CFTR: variants seen among roughly 807,000 people sequenced by gnomAD.
The protein encoded by CFTR is cystic fibrosis transmembrane conductance regulator.
A neutral mutation model predicts 171.6 loss-of-function variants in CFTR; 181 were observed. The observed-to-expected ratio is 1.05, with a 90% CI of 0.93 to 1.19. The LOEUF (loss-of-function observed/expected upper bound fraction) is 1.19, where lower values mean the gene tolerates loss of function less well. Among genes scored for constraint, CFTR ranks in the 50% most tolerant of loss-of-function variants. The probability of loss-of-function intolerance (pLI) is 0.00; values close to 1 mark genes in which losing one functional copy is unlikely to be tolerated. For missense variants in CFTR, 1,968 were observed against 1,734.7 expected (o/e 1.13, Z -2.39); for synonymous variants, 583 against 608.0 (o/e 0.96, Z 0.60).
chr7:117,501,747 C>CAA (rs1212853305), intron 1 of CFTR, among the ~76,000 whole-genome samples: 74 of 43,792 alleles, frequency 1.7e-3, no homozygotes, highest in South Asian at 3.8e-3. Flanking sequence ...AACTCTGTCT[C>CAA]AAAAAAAAAA....
At chr7:117,493,792 G>T (rs1271525105) in intron 1 of CFTR, among the ~76,000 whole-genome samples, 1 of 151,930 alleles carries the variant, frequency 6.6e-6, no homozygotes, top group Non-Finnish European at 1.5e-5. Context: ...AAGAAAAAAG[G>T]GTTAAAATGC....
intron 21 of CFTR, among the ~76,000 whole-genome samples, chr7:117,620,487 A>G (rs1792557063): frequency 6.6e-6 from 1 of 152,176 alleles, no homozygotes; most frequent in African/African-American, 2.4e-5. Context: ...CCTGAATGCT[A>G]GAGTCCATTG....
At chr7:117,499,075 G>A (rs1007197545) in intron 1 of CFTR, among the ~76,000 whole-genome samples, 2 of 151,998 alleles carry the variant, frequency 1.3e-5, no homozygotes, top group Non-Finnish European at 2.9e-5. Flanking sequence ...TTATTTTATT[G>A]CATTTTATTT....
At chr7:117,567,932 C>T (rs917191980) in intron 11 of CFTR, among the ~76,000 whole-genome samples, 2 of 152,134 alleles carry the variant, frequency 1.3e-5, no homozygotes, top group Non-Finnish European at 2.9e-5. Context: ...GGAAAGATTT[C>T]CCTGGAGGAA....
chr7:117,628,173 T>C (rs1792685957), intron 22 of CFTR, among the ~76,000 whole-genome samples: 1 of 152,196 alleles, frequency 6.6e-6, no homozygotes, highest in Non-Finnish European at 1.5e-5. Context: ...GTGATACTTT[T>C]TTTCTAGCTT....
intron 1 of CFTR, among the ~76,000 whole-genome samples, chr7:117,488,467 T>C (rs551108452): frequency 6.6e-6 from 1 of 152,098 alleles, no homozygotes; most frequent in Non-Finnish European, 1.5e-5. Flanking sequence ...TAGATTATTG[T>C]CCAGAATAAT....
At chr7:117,579,697 A>G (rs1318485607) in intron 11 of CFTR, among the ~76,000 whole-genome samples, 2 of 151,288 alleles carry the variant, frequency 1.3e-5, no homozygotes, top group Admixed American at 1.3e-4. Context: ...CAAAGTGCCA[A>G]AAAACCTAGC....
chr7:117,510,389 A>G (rs1260563931), intron 3 of CFTR, among the ~76,000 whole-genome samples: 6 of 152,188 alleles, frequency 3.9e-5, no homozygotes, highest in Admixed American at 6.5e-5. Flanking sequence ...CAGGGTATGG[A>G]GTACAGTTCA....
At chr7:117,619,315 G>A (rs1404891368) in intron 21 of CFTR, among the ~76,000 whole-genome samples, 1 of 152,080 alleles carries the variant, frequency 6.6e-6, no homozygotes, top group Non-Finnish European at 1.5e-5. Flanking sequence ...AAAAAATAAA[G>A]ATTAAATAAA....
At chr7:117,598,272 C>T (rs1792169837) in intron 15 of CFTR, among the ~76,000 whole-genome samples, 2 of 152,142 alleles carry the variant, frequency 1.3e-5, no homozygotes, top group African/African-American at 4.8e-5. Flanking sequence ...GATATTTATT[C>T]TAGAGGACAC....
At chr7:117,537,323 A>C (rs1389324226) in intron 7 of CFTR, among the ~76,000 whole-genome samples, 1 of 152,230 alleles carries the variant, frequency 6.6e-6, no homozygotes, top group Non-Finnish European at 1.5e-5. Flanking sequence ...AAGAAAGTAC[A>C]GCACAGACTG....
At chr7:117,645,018 C>A (rs1046651084) in intron 23 of CFTR, among the ~76,000 whole-genome samples, 2 of 152,102 alleles carry the variant, frequency 1.3e-5, no homozygotes, top group African/African-American at 4.8e-5. Context: ...TGAAAGGTGA[C>A]AAACTATTCT....
intron 15 of CFTR, among the ~76,000 whole-genome samples, chr7:117,601,339 C>T (rs1051524652): frequency 1.3e-5 from 2 of 151,944 alleles, no homozygotes; most frequent in Non-Finnish European, 2.9e-5. Flanking sequence ...GTAGTTTTTA[C>T]AGATACAGTG....
In CFTR at chr7:117,523,608, A is replaced by T. The variant is rs545483454; in HGVS notation, c.274-7291A>T. ...TAGCCAGGACGGTCTTGATCTCCTG[A>T]CCTTGTGATCCTCCTGCCTCGGCCT... On this transcript the variant is annotated intron_variant, in intron 3 of 26. Coordinates refer to ENST00000003084, the MANE Select transcript of CFTR (RefSeq NM_000492.4). Among the ~76,000 whole-genome samples, 7 of 152,138 alleles carry T rather than the reference A, an allele frequency of 4.6e-5. No individual in the cohort carries two copies. The East Asian group carries it at 1.4e-3, about 29-fold the overall frequency.
At chr7:117,516,712 A>G (rs1425437314) in intron 3 of CFTR, among the ~76,000 whole-genome samples, 2 of 152,144 alleles carry the variant, frequency 1.3e-5, no homozygotes, top group Admixed American at 1.3e-4. Flanking sequence ...TTTATGGGGT[A>G]CATGTGATGT....
At chr7:117,539,111 G>A (rs912313764) in intron 7 of CFTR, among the ~76,000 whole-genome samples, 4 of 152,124 alleles carry the variant, frequency 2.6e-5, no homozygotes, top group African/African-American at 9.7e-5. Context: ...TATCCTGGTT[G>A]ACCTTTCCTT....
At chr7:117,500,538 C>T (rs759067006) in intron 1 of CFTR, among the ~76,000 whole-genome samples, 8 of 151,990 alleles carry the variant, frequency 5.3e-5, no homozygotes, top group Non-Finnish European at 8.8e-5. Flanking sequence ...GATCCACCCA[C>T]CTCGGCCTCC....
chr7:117,535,489 C>T, intron 6 of CFTR, 78 bp downstream of exon 6: 16 of 1,174,996 alleles, frequency 1.4e-5, no homozygotes, highest in Non-Finnish European at 1.6e-5. Context: ...ACCAGGACTG[C>T]TCTATGCATA....
At chr7:117,534,646 T>G (rs2116675516) in intron 5 of CFTR, among the ~76,000 whole-genome samples, 1 of 152,346 alleles carries the variant, frequency 6.6e-6, no homozygotes, top group Non-Finnish European at 1.5e-5. Flanking sequence ...TTTAAATCTG[T>G]TATGTACTTT....
Sources: allele counts gnomAD v4.1 joint callset (sites outside exome capture counted in the v4.1 genomes callset), GRCh38; gene constraint gnomAD v4.1.1; transcripts MANE v1.5; gene names NCBI Gene and HGNC (gene_info 2026-07-23, HGNC 2026-07-21).